CACNB2: variants seen among roughly 807,000 people sequenced by gnomAD.
CACNB2 encodes the protein voltage-dependent L-type calcium channel subunit beta-2.
In CACNB2, 42 loss-of-function variants were observed where a neutral mutation model predicts 73.3. The observed-to-expected ratio is 0.57, with a 90% confidence interval of 0.45 to 0.74. The LOEUF (loss-of-function observed/expected upper bound fraction) is 0.74, where lower values mean the gene tolerates loss of function less well. CACNB2 is among the 30% of genes least tolerant of loss of function. The probability of loss-of-function intolerance (pLI) is 0.00; values close to 1 mark genes in which losing one functional copy is unlikely to be tolerated. For synonymous variants in CACNB2, 348 were observed against 310.3 expected (o/e 1.12, Z -1.28); for missense variants, 940 against 853.0 (o/e 1.10, Z -1.27).
chr10:18,226,483 C>G (rs1386617806), intron 2 of CACNB2, among the ~76,000 whole-genome samples: 4 of 152,062 alleles, frequency 2.6e-5, no homozygotes, highest in Non-Finnish European at 5.9e-5. Context: ...CCTTATAAAC[C>G]AGTCCCCTGC....
At chr10:18,283,467 A>G (rs904256024) in intron 2 of CACNB2, among the ~76,000 whole-genome samples, 1 of 152,186 alleles carries the variant, frequency 6.6e-6, no homozygotes, top group Non-Finnish European at 1.5e-5. Flanking sequence ...TGGCACATAT[A>G]CACCATGGAA....
chr10:18,514,919 T>A, intron 7 of CACNB2: 1 of 1,123,880 alleles, frequency 8.9e-7, no homozygotes, highest in Non-Finnish European at 1.4e-6. Flanking sequence ...ACATAGCTTG[T>A]ACTAAAAAAA....
intron 2 of CACNB2, among the ~76,000 whole-genome samples, chr10:18,372,451 A>G (rs2042627033): frequency 6.6e-6 from 1 of 152,180 alleles, no homozygotes; most frequent in African/African-American, 2.4e-5. Flanking sequence ...GTTGTCACCC[A>G]GGCTAGAGTG....
chr10:18,241,154 G>T (rs941604129), intron 2 of CACNB2, among the ~76,000 whole-genome samples: 2 of 152,116 alleles, frequency 1.3e-5, no homozygotes, highest in Non-Finnish European at 2.9e-5. Context: ...TATATTGATT[G>T]ATGTCTTGTG....
At chr10:18,290,166 T>C (rs1334429797) in intron 2 of CACNB2, among the ~76,000 whole-genome samples, 2 of 130,486 alleles carry the variant, frequency 1.5e-5, no homozygotes, top group African/African-American at 5.6e-5. Context: ...TAGCTGGGAC[T>C]ATAAGCGCGC....
chr10:18,226,383 A>G (rs886576527), intron 2 of CACNB2, among the ~76,000 whole-genome samples: 2 of 152,200 alleles, frequency 1.3e-5, no homozygotes, highest in African/African-American at 4.8e-5. Context: ...AGCTGGATCC[A>G]TAATGCATTT....
intron 2 of CACNB2, chr10:18,261,874 A>C: frequency 2.0e-6 from 1 of 512,080 alleles, no homozygotes; most frequent in Non-Finnish European, 3.9e-6. Context: ...TGTTTTGCAA[A>C]ATGGCTGTCT....
chr10:18,430,811 G>A (rs1033703843), intron 3 of CACNB2, among the ~76,000 whole-genome samples: 1 of 152,166 alleles, frequency 6.6e-6, no homozygotes, highest in Non-Finnish European at 1.5e-5. Flanking sequence ...AAGGTGAAAA[G>A]TACATATTAC....
chr10:18,519,885 C>T (rs1026768052), intron 9 of CACNB2: 7 of 373,106 alleles, frequency 1.9e-5, no homozygotes, highest in Non-Finnish European at 3.6e-5. Context: ...TCTTACTTGA[C>T]CATGAGCAGT....
At chr10:18,439,877 A>G (rs769594309) in intron 3 of CACNB2, among the ~76,000 whole-genome samples, 6 of 152,212 alleles carry the variant, frequency 3.9e-5, no homozygotes, top group Admixed American at 6.5e-5. Flanking sequence ...CCCTGCCGTC[A>G]GTAGGATTAC....
intron 2 of CACNB2, among the ~76,000 whole-genome samples, chr10:18,351,235 C>A (rs1415437137): frequency 6.9e-6 from 1 of 145,292 alleles, no homozygotes; most frequent in African/African-American, 2.6e-5. Context: ...AAATATGTTT[C>A]TTTTGCAAAT....
intron 2 of CACNB2, among the ~76,000 whole-genome samples, chr10:18,382,155 C>T (rs748708876): frequency 1.3e-5 from 2 of 151,936 alleles, no homozygotes; most frequent in Non-Finnish European, 2.9e-5. Context: ...TTAAATATAG[C>T]AAAATTACAG....
chr10:18,393,576 C>G (rs969751075), intron 2 of CACNB2, among the ~76,000 whole-genome samples: 4 of 152,304 alleles, frequency 2.6e-5, no homozygotes, highest in African/African-American at 9.6e-5. Flanking sequence ...ATAACTTCAG[C>G]TTCAGTACTG....
At chr10:18,485,534 C>A (rs2049010151) in intron 3 of CACNB2, among the ~76,000 whole-genome samples, 1 of 146,250 alleles carries the variant, frequency 6.8e-6, no homozygotes, top group South Asian at 2.2e-4. Flanking sequence ...CTTGACCTGT[C>A]TTTTCTATAG....
rs556916336 is a variant in CACNB2 at position 18,174,714 on chromosome 10, A to T, written c.213+23739A>T. Reference sequence around the variant, plus strand: ...CCACCATGCCGGGCCAAGACATTTTATTTCTGACTTGAGATTTGTTCTGTT... The same window carrying T: ...CCACCATGCCGGGCCAAGACATTTTTTTTCTGACTTGAGATTTGTTCTGTT... On this transcript the variant is annotated intron_variant, in intron 2 of 13. Transcript: ENST00000324631. Among the ~76,000 whole-genome samples the T allele has an allele frequency of 7.9e-5, 12 of 152,096 alleles. No homozygotes were observed. In the East Asian group the frequency reaches 2.3e-3, roughly 30 times the overall value.
intron 2 of CACNB2, among the ~76,000 whole-genome samples, chr10:18,294,407 TCA>T (rs1423878243): frequency 2.6e-5 from 4 of 152,356 alleles, no homozygotes; most frequent in African/African-American, 9.6e-5. Context: ...CAACAAATGT[TCA>T]CAGAGTGCCT....
At chr10:18,242,843 C>CA (rs1466038043) in intron 2 of CACNB2, among the ~76,000 whole-genome samples, 4 of 137,176 alleles carry the variant, frequency 2.9e-5, no homozygotes, top group African/African-American at 5.4e-5. Flanking sequence ...AAAAAAAAAC[C>CA]AAAAAAACAA....
chr10:18,526,423 C>A (rs1269358078), intron 9 of CACNB2, among the ~76,000 whole-genome samples: 3 of 152,210 alleles, frequency 2.0e-5, no homozygotes, highest in African/African-American at 7.2e-5. Context: ...TTGTACCACA[C>A]AGGAAAAGAA....
intron 9 of CACNB2, among the ~76,000 whole-genome samples, chr10:18,527,119 A>G (rs191158556): frequency 1.2e-3 from 190 of 152,222 alleles, no homozygotes; most frequent in African/African-American, 4.2e-3. Context: ...GGTGGCTCAC[A>G]CCTATAATCC....
Sources: allele counts gnomAD v4.1 joint callset (sites outside exome capture counted in the v4.1 genomes callset), GRCh38; gene constraint gnomAD v4.1.1; transcripts MANE v1.5; gene names NCBI Gene and HGNC (gene_info 2026-07-23, HGNC 2026-07-21).